Variants in LRRIQ1 observed in about 807,000 individuals in gnomAD.
The protein encoded by LRRIQ1 is leucine-rich repeat- and IQ domain-containing protein 1.
In LRRIQ1, 210 loss-of-function variants were observed where a neutral mutation model predicts 211.9. That is an observed-to-expected ratio of 0.99 (90% confidence interval 0.89 to 1.11). LRRIQ1 has a LOEUF of 1.11. Ranked by LOEUF, LRRIQ1 falls within the 50% of genes most tolerant of loss-of-function variation. The pLI is 0.00. For synonymous variants in LRRIQ1, 699 were observed against 650.1 expected, an observed-to-expected ratio of 1.08 and a Z score of -1.14; for missense variants, 2,136 against 1,939.5, an observed-to-expected ratio of 1.10 and a Z score of -1.90.
intron 11 of LRRIQ1, among the ~76,000 whole-genome samples, chr12:85,082,402 G>T (rs78676302): frequency 2.6e-3 from 400 of 151,980 alleles, no homozygotes; most frequent in African/African-American, 9.5e-3. Context: ...TCATCCTGTC[G>T]GGGCTTATTG....
intron 24 of LRRIQ1, among the ~76,000 whole-genome samples, chr12:85,206,656 G>A (rs1565903636): frequency 6.6e-6 from 1 of 151,922 alleles, no homozygotes; most frequent in Non-Finnish European, 1.5e-5. Context: ...GGGTGTGGGT[G>A]GACTGTGACT....
intron 6 of LRRIQ1, among the ~76,000 whole-genome samples, chr12:85,051,559 T>C (rs1880322195): frequency 1.3e-5 from 2 of 152,240 alleles, no homozygotes; most frequent in Non-Finnish European, 2.9e-5. Flanking sequence ...TACAGTCTTT[T>C]GCATAAAACC....
chr12:85,111,226 G>T (rs1158620662), intron 15 of LRRIQ1, among the ~76,000 whole-genome samples: 2 of 152,054 alleles, frequency 1.3e-5, no homozygotes, highest in Non-Finnish European at 2.9e-5. Flanking sequence ...AGTGGATTGT[G>T]GTAGGAGAGA....
chr12:85,195,228 G>A (rs534405013), intron 24 of LRRIQ1, among the ~76,000 whole-genome samples: 2,816 of 151,752 alleles, frequency 0.019, 85 homozygotes, highest in African/African-American at 0.065. Context: ...ATTCACAGCC[G>A]AATTCTACCA....
chr12:85,236,450 A>C (rs1808836477), intron 26 of LRRIQ1, among the ~76,000 whole-genome samples: 1 of 152,130 alleles, frequency 6.6e-6, no homozygotes, highest in African/African-American at 2.4e-5. Flanking sequence ...GATGATGCCT[A>C]AATGGGCAAG....
At chr12:85,207,674 T>C (rs1207107136) in intron 24 of LRRIQ1, among the ~76,000 whole-genome samples, 7 of 152,190 alleles carry the variant, frequency 4.6e-5, no homozygotes, top group Non-Finnish European at 8.8e-5. Flanking sequence ...CTTGGGTCTA[T>C]GATTCATTTT....
intron 18 of LRRIQ1, among the ~76,000 whole-genome samples, chr12:85,134,018 G>A (rs1380947694): frequency 1.3e-5 from 2 of 152,094 alleles, no homozygotes; most frequent in Non-Finnish European, 2.9e-5. Context: ...CAGGACCACA[G>A]TCTCAAGACT....
intron 1 of LRRIQ1, among the ~76,000 whole-genome samples, chr12:85,259,058 A>G (rs1896209132): frequency 6.6e-6 from 1 of 152,086 alleles, no homozygotes; most frequent in Admixed American, 6.6e-5. Context: ...ATTATGTAGC[A>G]AAGAAGTGAC....
At chr12:85,142,794 C>A (rs1483645091) in intron 19 of LRRIQ1, among the ~76,000 whole-genome samples, 2 of 151,518 alleles carry the variant, frequency 1.3e-5, no homozygotes, top group African/African-American at 4.8e-5. Context: ...TTGCAAATGA[C>A]CAAGTTCCCA....
chr12:85,087,793 T>A (rs987998443), intron 11 of LRRIQ1, among the ~76,000 whole-genome samples: 11 of 151,996 alleles, frequency 7.2e-5, no homozygotes, highest in Non-Finnish European at 8.8e-5. Flanking sequence ...ATGGAGTTGT[T>A]TGATTTTTTT....
intron 24 of LRRIQ1, among the ~76,000 whole-genome samples, chr12:85,198,491 T>C (rs1273840949): frequency 6.6e-6 from 1 of 152,050 alleles, no homozygotes; most frequent in Non-Finnish European, 1.5e-5. Context: ...TGACTTTTTA[T>C]TAATAGCCAT....
At chr12:85,224,555 TC>T (rs1343771498) in intron 24 of LRRIQ1, among the ~76,000 whole-genome samples, 6 of 151,950 alleles carry the variant, frequency 3.9e-5, no homozygotes, top group Admixed American at 3.3e-4. Context: ...TATGCAGCCA[TC>T]AAAAAGGATG....
chr12:85,266,348 A>G (rs1896419243), downstream of LRRIQ1, among the ~76,000 whole-genome samples: 2 of 152,152 alleles, frequency 1.3e-5, no homozygotes, highest in African/African-American at 4.8e-5. Flanking sequence ...GACACAAAAT[A>G]TAAGAGCCAA....
At chr12:85,039,774 G>A (rs1246600336) in intron 2 of LRRIQ1, among the ~76,000 whole-genome samples, 1 of 151,488 alleles carries the variant, frequency 6.6e-6, no homozygotes, top group South Asian at 2.1e-4. Context: ...CCATGCTTGA[G>A]GTCCCTCAGT....
In LRRIQ1 at chr12:85,121,683, G is replaced by T; in HGVS notation, c.3378-14G>T. On this transcript the variant is annotated splice_polypyrimidine_tract_variant and intron_variant, in intron 15 of 26. Transcript: ENST00000393217. ...CAAGATCAGGATTATTAACTTTTTT[G>T]TTGTTTTCAATAGGGATTCTCTACT... The T allele has an allele frequency of 6.5e-7, 1 of 1,539,296 alleles. No individual in the cohort carries two copies. Among genetic ancestry groups the T allele is most frequent in the East Asian group, 2.3e-5 (1 of 42,898 alleles).
chr12:85,239,503 T>A (rs979728272), intron 26 of LRRIQ1, among the ~76,000 whole-genome samples: 3 of 151,890 alleles, frequency 2.0e-5, no homozygotes, highest in Non-Finnish European at 4.4e-5. Flanking sequence ...ACTTGTAAGG[T>A]CAATTGATTT....
At chr12:85,229,953 A>G (rs190875393) in intron 25 of LRRIQ1, among the ~76,000 whole-genome samples, 47 of 152,338 alleles carry the variant, frequency 3.1e-4, no homozygotes, top group African/African-American at 1.1e-3. Flanking sequence ...TATCATGTAT[A>G]TTATAGGTTG....
In LRRIQ1 at chr12:85,198,136, A is replaced by T. The variant is rs1329361451; in HGVS notation, c.4823-31381A>T. The stretch of plus-strand genomic sequence containing the variant: ...ATATAATATATAATATATATTATAT[A>T]TAATATATTATATTATGTATTATAT... On this transcript the variant is annotated intron_variant, in intron 24 of 26. Coordinates refer to ENST00000393217, the MANE Select transcript of LRRIQ1 (RefSeq NM_001079910.2). Among the ~76,000 whole-genome samples the T allele has an allele frequency of 3.1e-4, 38 of 122,662 alleles. 1 individual carries two copies. The East Asian group carries it at 7.5e-3, about 24-fold the overall frequency. 80.5% of individuals were successfully genotyped at this position (122,662 alleles called of 152,430 possible). A position where few individuals can be genotyped will look rare whatever the true frequency, so the allele number is the denominator to read the frequency against.
At chr12:85,215,794 T>TA (rs1211046436) in intron 24 of LRRIQ1, among the ~76,000 whole-genome samples, 1 of 151,542 alleles carries the variant, frequency 6.6e-6, no homozygotes, top group Non-Finnish European at 1.5e-5. Context: ...AGTACAGCAA[T>TA]AAAAAAAGAA....
Sources: allele counts gnomAD v4.1 joint callset (sites outside exome capture counted in the v4.1 genomes callset), GRCh38; gene constraint gnomAD v4.1.1; transcripts MANE v1.5; gene names NCBI Gene and HGNC (gene_info 2026-07-23, HGNC 2026-07-21).